SEPTIN2: variants seen among roughly 807,000 people sequenced by gnomAD.
SEPTIN2 encodes the protein septin-2.
In SEPTIN2, 34 loss-of-function variants were observed where a neutral mutation model predicts 46.5. That is an observed-to-expected ratio of 0.73 (90% CI 0.56 to 0.97). The LOEUF is 0.97. Among genes scored for constraint, SEPTIN2 ranks in the 50% least tolerant of loss-of-function variants. SEPTIN2 has a pLI of 0.00. For missense variants in SEPTIN2, 347 were observed against 448.4 expected (o/e 0.77, Z 2.04); for synonymous variants, 175 against 153.4 (o/e 1.14, Z -1.04).
intron 3 of SEPTIN2, among the ~76,000 whole-genome samples, chr2:241,327,069 A>T (rs2078104952): frequency 6.6e-6 from 1 of 151,656 alleles, no homozygotes; most frequent in Admixed American, 6.6e-5. Context: ...AAAAAAAAAA[A>T]AAAAAAAAAT....
At position 241,353,991 on chromosome 2, in the gene SEPTIN2, C is replaced by A. The variant is rs954378617; in HGVS notation, c.*2054C>A. On this transcript the variant is annotated 3_prime_UTR_variant, in exon 13 of 13. Transcript: ENST00000391971. ...GCAATTTTGTATCCATTTAAACTAA[C>A]CTTTTATCAATAAAGCACTATTGTT... 1 of 152,242 alleles carries A rather than the reference C, an allele frequency of 6.6e-6. No individual in the cohort carries two copies. The highest frequency in any genetic ancestry group is 1.5e-5 in the Non-Finnish European group (1 of 68,042). The allele number at this position is 152,242 out of a possible 1,614,324, so 9.4% of individuals were successfully genotyped here.
At chr2:241,315,649 G>C (rs1320872153), upstream of SEPTIN2, 1 of 152,438 alleles carries the variant, frequency 6.6e-6, no homozygotes, top group Non-Finnish European at 1.5e-5. Context: ...CCGCCATCTT[G>C]GTAAAGGAGA....
At chr2:241,328,837 A>C (rs373230720) in intron 3 of SEPTIN2, among the ~76,000 whole-genome samples, 1 of 151,810 alleles carries the variant, frequency 6.6e-6, no homozygotes, top group South Asian at 2.1e-4. Flanking sequence ...CCTGACCAAC[A>C]TGGAGAAACC....
At chr2:241,343,237 GC>G in intron 8 of SEPTIN2, 144 bp downstream of exon 8, 1 of 602,376 alleles carries the variant, frequency 1.7e-6, no homozygotes, top group Middle Eastern at 2.6e-4. Context: ...AGTGGCTCAT[GC>G]CTATAATCCC....
intron 7 of SEPTIN2, among the ~76,000 whole-genome samples, chr2:241,342,664 C>G (rs1001604019): frequency 5.3e-5 from 8 of 151,116 alleles, no homozygotes; most frequent in African/African-American, 1.2e-4. Flanking sequence ...GCCTCCCCAG[C>G]AGCTGGGACT....
chr2:241,329,023 A>T (rs947188211), intron 3 of SEPTIN2, among the ~76,000 whole-genome samples: 3 of 151,644 alleles, frequency 2.0e-5, no homozygotes, highest in Non-Finnish European at 4.4e-5. Flanking sequence ...TCCATCTCTC[A>T]CACACAAAAA....
At chr2:241,316,298 G>A (rs1010212256) in intron 1 of SEPTIN2, 35 of 482,236 alleles carry the variant, frequency 7.3e-5, no homozygotes, top group African/African-American at 6.5e-4. Context: ...GGGCCTCGGG[G>A]CGTCGAGTGC....
At chr2:241,346,114 T>G in intron 9 of SEPTIN2, 52 bp from the exon 10 acceptor site, 79 of 1,354,820 alleles carry the variant, frequency 5.8e-5, no homozygotes, top group Non-Finnish European at 7.7e-5. Context: ...TTTTTTCTCA[T>G]GAGAATGTCA....
chr2:241,319,647 A>C (rs2076866084), intron 1 of SEPTIN2, among the ~76,000 whole-genome samples: 1 of 152,198 alleles, frequency 6.6e-6, no homozygotes, highest in Admixed American at 6.5e-5. Context: ...GCTGGAGTGC[A>C]GCAGCACCAT....
intron 1 of SEPTIN2, chr2:241,316,356 G>T: frequency 1.5e-6 from 1 of 659,732 alleles, no homozygotes; most frequent in Non-Finnish European, 2.4e-6. Context: ...ACAGGTTTAG[G>T]CCCGACAAAC....
At position 241,342,983 on chromosome 2, in the gene SEPTIN2, TTC is replaced by T; in HGVS notation, c.595-4_595-3del. 6.6e-7 allele frequency: 1 copy of T among 1,523,302 alleles called. No individual in the cohort carries two copies. The highest frequency in any genetic ancestry group is 9.1e-7 in the Non-Finnish European group (1 of 1,102,746). The allele number at this position is 1,523,302 out of a possible 1,614,324, so 94.4% of individuals were successfully genotyped here. A position where few individuals can be genotyped will look rare whatever the true frequency, so the allele number is the denominator to read the frequency against. On this transcript the variant is annotated splice_polypyrimidine_tract_variant and splice_region_variant and intron_variant, in intron 7 of 12. Transcript: ENST00000391971. ...GCTAAAATTGATCCTGGTTTTGTCA[TTC>T]TCTCAGATTCTGGATGAAATTGAAG...
At chr2:241,350,629 G>C (rs553871542) in intron 12 of SEPTIN2, among the ~76,000 whole-genome samples, 1 of 152,206 alleles carries the variant, frequency 6.6e-6, no homozygotes, top group Non-Finnish European at 1.5e-5. Context: ...AGTAGAGATG[G>C]CACAAGGAAG....
chr2:241,338,605 T>A (rs1209355860), intron 7 of SEPTIN2, among the ~76,000 whole-genome samples: 2 of 131,992 alleles, frequency 1.5e-5, no homozygotes, highest in East Asian at 2.0e-4. Context: ...ATATATATAT[T>A]TTATATATAT....
At chr2:241,348,242 T>G in intron 11 of SEPTIN2, 51 bp downstream of exon 11, 1 of 1,534,450 alleles carries the variant, frequency 6.5e-7, no homozygotes, top group South Asian at 1.1e-5. Context: ...GTTTTGTTTG[T>G]TTTGAGACAG....
At chr2:241,344,990 G>C (rs62193175) in intron 9 of SEPTIN2, among the ~76,000 whole-genome samples, 1 of 150,942 alleles carries the variant, frequency 6.6e-6, no homozygotes, top group Non-Finnish European at 1.5e-5. Flanking sequence ...GGTGGGTGCC[G>C]GTATTCTCAG....
chr2:241,332,882 A>G (rs1048846552), intron 3 of SEPTIN2, among the ~76,000 whole-genome samples: 5 of 152,234 alleles, frequency 3.3e-5, no homozygotes, highest in Non-Finnish European at 5.9e-5. Flanking sequence ...GCCATGTTGT[A>G]TGATGCCATT....
rs150705122 is a variant in SEPTIN2 at position 241,344,244 on chromosome 2, C to G, written c.842+347C>G. Among the ~76,000 whole-genome samples the G allele has an allele frequency of 8.1e-4, 123 of 152,292 alleles. 1 individual carries two copies. The highest frequency in any genetic ancestry group is 2.8e-3 in the African/African-American group (115 of 41,560). On this transcript the variant is annotated intron_variant, in intron 9 of 12. Coordinates refer to ENST00000391971, the MANE Select transcript of SEPTIN2 (RefSeq NM_004404.5). The stretch of plus-strand genomic sequence containing the variant: ...TCCCCAGTGCTGGTAAGGAAACAGT[C>G]AGGCTGTATAGGCCCCTGGTCCACT...
intron 3 of SEPTIN2, among the ~76,000 whole-genome samples, chr2:241,327,099 C>A (rs974795940): frequency 4.5e-5 from 6 of 131,936 alleles, no homozygotes; most frequent in South Asian, 2.6e-4. Flanking sequence ...TACAGTGTAA[C>A]ATTCACAATG....
In SEPTIN2 at chr2:241,324,225, C is replaced by T; in HGVS notation, c.-8C>T. 6.2e-7 allele frequency: 1 copy of T among 1,610,754 alleles called. No individual in the cohort carries two copies. Among genetic ancestry groups the T allele is most frequent in the East Asian group, 2.2e-5 (1 of 44,826 alleles). Reference sequence around the variant, plus strand: ...GTTTTTTTTTTAACAGACGAAGCTTCACAAAAGATGTCTAAGGTAAGATCA... The same window carrying T: ...GTTTTTTTTTTAACAGACGAAGCTTTACAAAAGATGTCTAAGGTAAGATCA... On this transcript the variant is annotated 5_prime_UTR_variant, in exon 2 of 13. Coordinates refer to ENST00000391971, the MANE Select transcript of SEPTIN2 (RefSeq NM_004404.5).
Sources: gnomAD v4.1 joint callset for allele counts (sites outside exome capture counted in the v4.1 genomes callset) on GRCh38, gnomAD v4.1.1 for gene constraint, MANE v1.5 for transcripts, NCBI Gene and HGNC (gene_info 2026-07-23, HGNC 2026-07-21) for gene names.